Variants in BAZ2A observed in about 807,000 individuals in gnomAD.
BAZ2A encodes bromodomain adjacent to zinc finger domain 2A.
BAZ2A carries 34 observed loss-of-function variants against 199.9 expected under a neutral mutation model. That is an observed-to-expected ratio of 0.17 (90% CI 0.13 to 0.23). BAZ2A has a LOEUF of 0.23. Ranked by LOEUF, BAZ2A falls within the 10% of genes least tolerant of loss-of-function variation. The probability of loss-of-function intolerance (pLI) is 1.00; values close to 1 mark genes in which losing one functional copy is unlikely to be tolerated. For synonymous variants in BAZ2A, 857 were observed against 883.9 expected (o/e 0.97, Z 0.54); for missense variants, 2,002 against 2,391.1 (o/e 0.84, Z 3.39).
chr12:56,599,818 CATT>C lies in BAZ2A; in HGVS notation c.5053_5055del (p.Asn1685del), dbSNP rs1886251076. ...CCATCACAAAGCAGAAGAAACTCAT[CATT>C]GTCACCCTTCCGGCAGACTAGACAT... On this transcript the variant is annotated inframe_deletion, in exon 26 of 29. Coordinates refer to ENST00000549884, the MANE Select transcript of BAZ2A (RefSeq NM_001300905.2). 1.9e-6 allele frequency: 3 copies of C among 1,613,914 alleles called. No individual in the cohort carries two copies. In the African/African-American group the frequency reaches 4.0e-5, roughly 22 times the overall value.
chr12:56,602,073 A>C lies in BAZ2A; in HGVS notation c.3544T>G (p.Ser1182Ala). Residue 1182 changes from serine to alanine, a missense_variant, in exon 20 of 29, where the codon TCT (serine) becomes GCT (alanine). Physicochemically the swap from Ser to Ala is moderately conservative, Grantham distance 99. This residue lies in a region of BAZ2A where 1,081 missense variants were observed against 1,274.7 expected (regional missense o/e 0.85). Coordinates refer to ENST00000549884, the MANE Select transcript of BAZ2A (RefSeq NM_001300905.2). ...GGTCGGCCTCGGGCCCGGGCAGGAG[A>C]ACTGGCAGTGGTGTTGGAGCCAGCT... ...ELAGSNTTASSPARARGRPRK... is the reference protein window; with the variant it reads ...ELAGSNTTASAPARARGRPRK... 6.4e-7 allele frequency: 1 copy of C among 1,570,876 alleles called. No individual in the cohort carries two copies. The highest frequency in any genetic ancestry group is 8.6e-7 in the Non-Finnish European group (1 of 1,157,502).
rs535780153 is a variant in BAZ2A at position 56,600,630 on chromosome 12, G to A, written c.4602+51C>T. 10 of 1,596,028 alleles carry A rather than the reference G, an allele frequency of 6.3e-6. No homozygotes were observed. The African/African-American group carries it at 1.2e-4, about 19-fold the overall frequency. On this transcript the variant is annotated intron_variant, in intron 23 of 28. Transcript: ENST00000549884. Reference sequence around the variant, plus strand: ...CAGGGTTTTTTCTAACAGGGCATAAGGGACTAATGCTTTTCCCCAACCTTC... The same window carrying A: ...CAGGGTTTTTTCTAACAGGGCATAAAGGACTAATGCTTTTCCCCAACCTTC...
At chr12:56,631,998 A>G (rs558355996), upstream of BAZ2A, among the ~76,000 whole-genome samples, 2 of 152,274 alleles carry the variant, frequency 1.3e-5, no homozygotes, top group Admixed American at 1.3e-4. Flanking sequence ...CAGAAGGCTA[A>G]GGGGGTTTCT....
At chr12:56,617,633 T>A (rs1249407372) in intron 1 of BAZ2A, 101 bp from the exon 2 acceptor site, 1 of 1,304,508 alleles carries the variant, frequency 7.7e-7, no homozygotes, top group Admixed American at 2.6e-5. Context: ...TCCACCTACT[T>A]ACCCTTCTCC....
chr12:56,612,041 G>A lies in BAZ2A; in HGVS notation c.1341C>T (p.Ile447=), dbSNP rs1950573454. The change falls in exon 6 of 29, where the codon ATC becomes ATT. Residue 447 remains isoleucine (I), a synonymous_variant. Coordinates refer to ENST00000549884, the MANE Select transcript of BAZ2A (RefSeq NM_001300905.2). ...AAGCTGCGGGACAAACTTCTGGAGA[G>A]ATTTCTGGGGAGGCTGCTGGAGAAA... ...LVVSPAASPE[I]SPEVCPAAST... 2 of 1,613,740 alleles carry A rather than the reference G, an allele frequency of 1.2e-6. No individual in the cohort carries two copies. Among genetic ancestry groups the A allele is most frequent in the African/African-American group, 1.3e-5 (1 of 74,870 alleles).
chr12:56,617,061 G>A (rs1950746723), intron 2 of BAZ2A, among the ~76,000 whole-genome samples: 1 of 152,162 alleles, frequency 6.6e-6, no homozygotes, highest in African/African-American at 2.4e-5. Context: ...TCCTGGCCCA[G>A]TGTAGCTTCC....
chr12:56,621,060 C>G, intron 1 of BAZ2A: 2 of 985,364 alleles, frequency 2.0e-6, no homozygotes, highest in Non-Finnish European at 2.4e-6. Flanking sequence ...AAATACTATG[C>G]CTAGAGGGCC....
upstream of BAZ2A, among the ~76,000 whole-genome samples, chr12:56,631,489 C>T (rs1017697183): frequency 1.3e-5 from 2 of 151,160 alleles, no homozygotes; most frequent in Non-Finnish European, 2.9e-5. Context: ...TCAACCTTCT[C>T]TCCTTCATCA....
chr12:56,636,369 T>A (rs1951449505), upstream of BAZ2A: 4 of 1,376,722 alleles, frequency 2.9e-6, no homozygotes, highest in Non-Finnish European at 3.8e-6. Flanking sequence ...GATGTCCCTG[T>A]GTGACAGACT....
chr12:56,610,285 A>G, intron 8 of BAZ2A, 70 bp from the exon 9 acceptor site: 2 of 1,586,388 alleles, frequency 1.3e-6, no homozygotes, highest in Non-Finnish European at 1.7e-6. Context: ...CAAAGGCATA[A>G]GCAGAACAGG....
intron 1 of BAZ2A, among the ~76,000 whole-genome samples, chr12:56,624,138 C>T (rs931306214): frequency 6.6e-6 from 1 of 152,014 alleles, no homozygotes; most frequent in Non-Finnish European, 1.5e-5. Flanking sequence ...ATGCCCTCTT[C>T]TCCAATCACG....
intron 1 of BAZ2A, among the ~76,000 whole-genome samples, chr12:56,625,234 C>T (rs1041370487): frequency 2.0e-5 from 3 of 148,492 alleles, no homozygotes; most frequent in African/African-American, 7.5e-5. Flanking sequence ...CTGCTCACTG[C>T]AACCTCCATC....
intron 26 of BAZ2A, 46 bp downstream of exon 26, chr12:56,599,656 C>T (rs552206468): frequency 4.3e-6 from 7 of 1,611,100 alleles, no homozygotes; most frequent in Middle Eastern, 2.2e-4. Flanking sequence ...TGAGGATAAT[C>T]TCTGATTTCT....
At chr12:56,630,910 A>G (rs1951292667), upstream of BAZ2A, 7 of 952,456 alleles carry the variant, frequency 7.3e-6, no homozygotes, top group Middle Eastern at 5.4e-4. Context: ...CCAGACAGCA[A>G]AGACCTGAGT....
chr12:56,628,642 C>T (rs998892034), intron 1 of BAZ2A, among the ~76,000 whole-genome samples: 1 of 152,190 alleles, frequency 6.6e-6, no homozygotes, highest in Non-Finnish European at 1.5e-5. Context: ...GTCCCTACCC[C>T]CGACACACAA....
chr12:56,606,468 G>A (rs1043527938), intron 11 of BAZ2A, 156 bp from the exon 12 acceptor site: 33 of 1,184,534 alleles, frequency 2.8e-5, no homozygotes, highest in East Asian at 9.4e-5. Context: ...AGATGCCCAC[G>A]TTATTTTTGA....
upstream of BAZ2A, among the ~76,000 whole-genome samples, chr12:56,633,875 G>C (rs755037600): frequency 1.1e-4 from 16 of 152,164 alleles, no homozygotes; most frequent in Non-Finnish European, 1.6e-4. Context: ...TGGGATTACA[G>C]GCACACGCCA....
At position 56,602,204 on chromosome 12, in the gene BAZ2A, A is replaced by G. The variant is rs1886554654; in HGVS notation, c.3425-12T>C. The G allele has an allele frequency of 6.4e-7, 1 of 1,558,056 alleles. No individual in the cohort carries two copies. On this transcript the variant is annotated splice_polypyrimidine_tract_variant and intron_variant, in intron 19 of 28. Transcript: ENST00000549884. ...CACCTCCTCAGGAACTGTAAAGAGA[A>G]GTAAAGAGTTAAGCCATATGCTGAC...
rs1886527100 is a variant in BAZ2A at position 56,601,981 on chromosome 12, T to C, written c.3636A>G (p.Ser1212=). 6.4e-7 allele frequency: 1 copy of C among 1,558,042 alleles called. No homozygotes were observed. The change falls in exon 20 of 29, where the codon TCA becomes TCG. Residue 1212 remains serine (S), a synonymous_variant. Coordinates refer to ENST00000549884, the MANE Select transcript of BAZ2A (RefSeq NM_001300905.2). ...GCTGAAGCTGGGCCTGGGGCTGTTC[T>C]GAATCCTGACCCCTGACAGGGGACT... ...HLKSPVRGQD[S]EQPQAQLQPE...
Sources: gnomAD v4.1 joint callset for allele counts (sites outside exome capture counted in the v4.1 genomes callset) on GRCh38, gnomAD v4.1.1 for gene constraint, gnomAD v4.1.1 regional missense constraint, MANE v1.5 for transcripts, NCBI Gene and HGNC (gene_info 2026-07-23, HGNC 2026-07-21) for gene names.